Variants in WRN observed in about 807,000 individuals in gnomAD.
WRN encodes the protein WRN RecQ like helicase.
Under a neutral mutation model 180.7 loss-of-function variants are expected in WRN, and 149 were observed. That is an observed-to-expected ratio of 0.82 (90% CI 0.72 to 0.94). WRN has a LOEUF of 0.94. Ranked by LOEUF, WRN falls within the 40% of genes least tolerant of loss-of-function variation. The pLI, the probability that WRN is intolerant of heterozygous loss-of-function variation, is 0.00. For missense variants in WRN, 1,661 were observed against 1,700.1 expected (o/e 0.98, Z 0.40); for synonymous variants, 548 against 568.9 (o/e 0.96, Z 0.52).
chr8:31,054,217 A>G (rs1261972093), intron 1 of WRN, among the ~76,000 whole-genome samples: 1 of 152,142 alleles, frequency 6.6e-6, no homozygotes, highest in Non-Finnish European at 1.5e-5. Context: ...AATGCATGAT[A>G]ATTTCATCAA....
rs10529735 is a variant in WRN, at chr8:31,143,024, GACACAC to G, written c.3309+349_3309+354del. ...TTGATTCCTAAGTGTTCTTATTAAA[GACACAC>G]ACACACACACACACACACACACACA... On this transcript the variant is annotated intron_variant, in intron 27 of 34. Coordinates refer to ENST00000298139, the MANE Select transcript of WRN (RefSeq NM_000553.6). 1.7e-3 allele frequency among the ~76,000 whole-genome samples: 237 copies of G among 136,594 alleles called. 3 individuals carry two copies. Among genetic ancestry groups the G allele is most frequent in the East Asian group, 4.7e-3 (22 of 4,724 alleles). 89.6% of individuals were successfully genotyped at this position (136,594 alleles called of 152,430 possible).
intron 1 of WRN, among the ~76,000 whole-genome samples, chr8:31,039,862 T>G (rs945634944): frequency 6.6e-6 from 1 of 152,228 alleles, no homozygotes; most frequent in African/African-American, 2.4e-5. Flanking sequence ...AATTTTCTTA[T>G]GTTGAACCAC....
Position 31,147,863 on chromosome 8 carries a change from G to A in WRN, c.3572+387G>A, listed in dbSNP as rs562186115. 5.4e-5 allele frequency among the ~76,000 whole-genome samples: 8 copies of A among 148,152 alleles called. No individual in the cohort carries two copies. The East Asian group carries it at 1.2e-3, about 22-fold the overall frequency. ...CTCTCCTCCAATATAAAACCCCTTC[G>A]TCTTCCTCTTCTTCTTCTTCATTTT... On this transcript the variant is annotated intron_variant, in intron 30 of 34. Transcript: ENST00000298139.
chr8:31,045,334 T>G (rs988020509), intron 1 of WRN, among the ~76,000 whole-genome samples: 3 of 151,982 alleles, frequency 2.0e-5, no homozygotes, highest in African/African-American at 7.3e-5. Flanking sequence ...GTCTTCAAGG[T>G]TTTCTCTATA....
intron 33 of WRN, among the ~76,000 whole-genome samples, chr8:31,160,978 ACT>A (rs958512289): frequency 2.4e-5 from 3 of 124,040 alleles, no homozygotes; most frequent in Admixed American, 8.0e-5. Flanking sequence ...ACAGAGTGAG[ACT>A]CTGTCTCAAA....
At chr8:31,069,033 C>T (rs1161193193) in intron 7 of WRN, among the ~76,000 whole-genome samples, 5 of 152,270 alleles carry the variant, frequency 3.3e-5, no homozygotes, top group South Asian at 2.1e-4. Flanking sequence ...GCATAATGTC[C>T]GTTTTACCGT....
In WRN at chr8:31,057,616, A is replaced by G. The variant is rs1812322801; in HGVS notation, c.-76-756A>G. On this transcript the variant is annotated intron_variant, in intron 1 of 34. Transcript: ENST00000298139. ...AAAAAACTGCTACCTCCTTATTACA[A>G]ATAGGAACTAAAGTTGAAGTTTGAG... is the stretch of plus-strand genomic sequence containing the variant. Among the ~76,000 whole-genome samples, 3 of 152,142 alleles carry G rather than the reference A, an allele frequency of 2.0e-5. No individual in the cohort carries two copies. In the South Asian group the frequency reaches 6.2e-4, roughly 31 times the overall value.
intron 21 of WRN, 113 bp from the exon 22 acceptor site, chr8:31,124,409 G>A: frequency 1.3e-6 from 1 of 772,226 alleles, no homozygotes; most frequent in Non-Finnish European, 2.1e-6. Flanking sequence ...TTATCTTGAT[G>A]GGGTGTGGGT....
At chr8:31,140,813 T>C (rs1207017935) in intron 24 of WRN, among the ~76,000 whole-genome samples, 1 of 152,146 alleles carries the variant, frequency 6.6e-6, no homozygotes, top group Non-Finnish European at 1.5e-5. Flanking sequence ...TGGAGTGCAG[T>C]GGCGTGATCT....
At chr8:31,107,542 G>A (rs528770681) in intron 18 of WRN, among the ~76,000 whole-genome samples, 1 of 152,194 alleles carries the variant, frequency 6.6e-6, no homozygotes, top group East Asian at 1.9e-4. Context: ...TTTTTCCCCT[G>A]GTGTTTTCAA....
intron 16 of WRN, among the ~76,000 whole-genome samples, chr8:31,095,063 A>G (rs981748087): frequency 1.3e-4 from 20 of 152,328 alleles, no homozygotes; most frequent in Admixed American, 4.6e-4. Flanking sequence ...GGATATTCCC[A>G]CCAGCAGTGT....
In WRN at chr8:31,087,891, C is replaced by T. The variant is rs1585436958; in HGVS notation, c.1547C>T (p.Ala516Val). The T allele has an allele frequency of 6.2e-7, 1 of 1,613,326 alleles. No individual in the cohort carries two copies. The highest frequency in any genetic ancestry group is 1.3e-5 in the African/African-American group (1 of 74,850). ...GAAGAAGAAGATGATGAAAATGAAG[C>T]TAATGAAGGGGAAGAAGATGATGAT... ...KEEEEDDENE[A>V]NEGEEDDDKD... The change falls in exon 12 of 35, where the codon GCT (alanine) becomes GTT (valine). Residue 516 changes from alanine (A) to valine (V), a missense_variant. Ala to Val is a moderately conservative substitution (Grantham distance 64). Coordinates refer to ENST00000298139, the MANE Select transcript of WRN (RefSeq NM_000553.6).
At chr8:31,168,237 A>G (rs1465633364) in intron 34 of WRN, among the ~76,000 whole-genome samples, 1 of 152,146 alleles carries the variant, frequency 6.6e-6, no homozygotes, top group East Asian at 1.9e-4. Flanking sequence ...AACATTAAAG[A>G]AAACATATTT....
chr8:31,060,819 G>T (rs1170275464), intron 3 of WRN, among the ~76,000 whole-genome samples: 2 of 152,102 alleles, frequency 1.3e-5, no homozygotes, highest in African/African-American at 2.4e-5. Flanking sequence ...TTGTAGTTTT[G>T]ATGACTTATA....
In WRN at chr8:31,167,060, G is replaced by A; in HGVS notation, c.4021G>A (p.Glu1341Lys). The change falls in exon 34 of 35, where the codon GAA (glutamate) becomes AAA (lysine). Residue 1341 changes from glutamate (E) to lysine (K), a missense_variant. By Grantham distance (56) the Glu-to-Lys change is moderately conservative. Transcript: ENST00000298139. ...KISLIRMLVP[E>K]NIDTYLIHMA... ...TAGCCTAATCAGAATGTTAGTTCCT[G>A]AAAACATTGACACGTACCTTATCCA... The A allele has an allele frequency of 6.2e-7, 1 of 1,613,122 alleles. No individual in the cohort carries two copies. The highest frequency in any genetic ancestry group is 8.5e-7 in the Non-Finnish European group (1 of 1,179,400).
intron 28 of WRN, among the ~76,000 whole-genome samples, chr8:31,146,569 T>A (rs1036707659): frequency 1.6e-4 from 25 of 152,210 alleles, no homozygotes; most frequent in African/African-American, 5.3e-4. Context: ...AGTTATCAAA[T>A]TTTTAATTTC....
At chr8:31,136,593 TG>T (rs1802405200) in intron 24 of WRN, among the ~76,000 whole-genome samples, 1 of 152,164 alleles carries the variant, frequency 6.6e-6, no homozygotes, top group Non-Finnish European at 1.5e-5. Context: ...TCAGCACTTT[TG>T]GGAAGCCGAG....
chr8:31,172,096 AT>A lies in WRN; in HGVS notation c.4192-891del, dbSNP rs1052191679. On this transcript the variant is annotated intron_variant, in intron 34 of 34. Transcript: ENST00000298139. ...AACACTTAGCTACTTAAATTATTTA[AT>A]TTTTTTTCATGTGCAGATGGTATTG... Among the ~76,000 whole-genome samples the A allele has an allele frequency of 1.2e-4, 18 of 151,506 alleles. No individual in the cohort carries two copies. The East Asian group carries it at 3.3e-3, about 28-fold the overall frequency.
chr8:31,150,243 A>T lies in WRN; in HGVS notation c.3573-98A>T, dbSNP rs1357861446. ...GAAAAACTATACATTTATTGAGAGA[A>T]TCATTAGGAAGCTGAACATCAGCTA... On this transcript the variant is annotated intron_variant, in intron 30 of 34. Coordinates refer to ENST00000298139, the MANE Select transcript of WRN (RefSeq NM_000553.6). The T allele has an allele frequency of 3.2e-6, 3 of 944,422 alleles. No individual in the cohort carries two copies. The African/African-American group carries it at 4.9e-5, about 15-fold the overall frequency. The allele number at this position is 944,422 out of a possible 1,614,324, so 58.5% of individuals were successfully genotyped here.
Sources: gnomAD v4.1 joint callset for allele counts (sites outside exome capture counted in the v4.1 genomes callset) on GRCh38, gnomAD v4.1.1 for gene constraint, MANE v1.5 for transcripts, NCBI Gene and HGNC (gene_info 2026-07-23, HGNC 2026-07-21) for gene names.